The following AIG1 variants were observed in gnomAD, a reference collection of about 807,000 sequenced individuals.
AIG1 encodes androgen-induced gene 1 protein.
In AIG1, 23 loss-of-function variants were observed where a neutral mutation model predicts 31.4. That is an observed-to-expected ratio of 0.73 (90% CI 0.53 to 1.04). The LOEUF is 1.04. Ranked by LOEUF, AIG1 falls within the 50% of genes least tolerant of loss-of-function variation. AIG1 has a pLI of 0.00. For synonymous variants in AIG1, 100 were observed against 110.5 expected (o/e 0.90, Z 0.60); for missense variants, 274 against 295.0 (o/e 0.93, Z 0.52).
intron 1 of AIG1, among the ~76,000 whole-genome samples, chr6:143,100,162 C>G (rs1780125433): frequency 6.6e-6 from 1 of 152,152 alleles, no homozygotes; most frequent in South Asian, 2.1e-4. Flanking sequence ...TGGTTTTTGG[C>G]CCTGCTTGTG....
chr6:143,075,986 G>A (rs905895107), intron 1 of AIG1, among the ~76,000 whole-genome samples: 1 of 152,186 alleles, frequency 6.6e-6, no homozygotes, highest in Non-Finnish European at 1.5e-5. Context: ...TTTTATGGCT[G>A]AGAATATGGG....
At chr6:143,111,742 A>G (rs1781292644) in intron 1 of AIG1, among the ~76,000 whole-genome samples, 1 of 152,088 alleles carries the variant, frequency 6.6e-6, no homozygotes, top group South Asian at 2.1e-4. Context: ...GGTGAATGCC[A>G]CCCTTTCTCC....
Position 143,119,432 on chromosome 6 carries a change from T to C in AIG1, c.142-17403T>C, listed in dbSNP as rs17628922. Among the ~76,000 whole-genome samples the C allele has an allele frequency of 2.9e-3, 444 of 152,306 alleles. 10 individuals are homozygous for C. The East Asian group carries it at 0.053, about 18-fold the overall frequency. On this transcript the variant is annotated intron_variant, in intron 1 of 5. Coordinates refer to ENST00000357847, the MANE Select transcript of AIG1 (RefSeq NM_016108.4). ...AAGTCCACTTCTGAATTGTGGGTAA[T>C]AAACACAAGTCCAAAAGTGCACAGG...
At chr6:143,309,486 C>T (rs1178253162) in intron 4 of AIG1, among the ~76,000 whole-genome samples, 3 of 151,562 alleles carry the variant, frequency 2.0e-5, no homozygotes, top group African/African-American at 7.3e-5. Context: ...AAAAGAAATA[C>T]TTTTAAGAAT....
chr6:143,136,884 G>A lies in AIG1; in HGVS notation c.191G>A (p.Ser64Asn). Residue 64 changes from serine to asparagine, a missense_variant, in exon 2 of 6, where the codon AGT becomes AAT. Ser to Asn is a conservative substitution (Grantham distance 46). This residue lies in a region of AIG1 where 243 missense variants were observed against 238.5 expected (regional missense o/e 1.02). Transcript: ENST00000357847. ...FGICVLTDLS[S>N]LLTRGSGNQE... ...ATCTGTGTGCTGACTGATCTTTCCA[G>A]TCTTCTGACTCGAGGAAGTGGGAAC... 1 of 1,527,120 alleles carries A rather than the reference G, an allele frequency of 6.5e-7. No individual in the cohort carries two copies. Among genetic ancestry groups the A allele is most frequent in the South Asian group, 1.3e-5 (1 of 79,230 alleles). The allele number at this position is 1,527,120 out of a possible 1,614,324, so 94.6% of individuals were successfully genotyped here. A position where few individuals can be genotyped will look rare whatever the true frequency, so the allele number is the denominator to read the frequency against.
At chr6:143,071,522 A>G (rs1777255888) in intron 1 of AIG1, among the ~76,000 whole-genome samples, 7 of 152,246 alleles carry the variant, frequency 4.6e-5, no homozygotes, top group Admixed American at 3.9e-4. Flanking sequence ...ATGGTTGTCC[A>G]GAGTGGCTGT....
At chr6:143,121,423 A>G (rs976165584) in intron 1 of AIG1, among the ~76,000 whole-genome samples, 1 of 152,236 alleles carries the variant, frequency 6.6e-6, no homozygotes, top group Non-Finnish European at 1.5e-5. Context: ...GCCTGAGCAT[A>G]CCACAACTTT....
chr6:143,248,236 C>A (rs955343827), intron 3 of AIG1, among the ~76,000 whole-genome samples: 4 of 152,162 alleles, frequency 2.6e-5, no homozygotes, highest in African/African-American at 9.7e-5. Context: ...AAGTTAAAAA[C>A]AAGGGAGGAT....
At chr6:143,322,883 G>A (rs574721237) in intron 4 of AIG1, among the ~76,000 whole-genome samples, 6 of 152,298 alleles carry the variant, frequency 3.9e-5, no homozygotes, top group African/African-American at 1.4e-4. Flanking sequence ...TTGCATGTGA[G>A]AAGTACAGAA....
chr6:143,099,121 A>G (rs1388507984), intron 1 of AIG1, among the ~76,000 whole-genome samples: 1 of 152,214 alleles, frequency 6.6e-6, no homozygotes, highest in Non-Finnish European at 1.5e-5. Flanking sequence ...TTCACTTACC[A>G]TTTAGGATAA....
At chr6:143,335,719 C>T (rs990070042) in intron 5 of AIG1, among the ~76,000 whole-genome samples, 1 of 151,884 alleles carries the variant, frequency 6.6e-6, no homozygotes, top group African/African-American at 2.4e-5. Flanking sequence ...CTTTGGGAGG[C>T]TAAGGTGGGC....
chr6:143,119,318 A>G (rs1174967429), intron 1 of AIG1, among the ~76,000 whole-genome samples: 1 of 152,228 alleles, frequency 6.6e-6, no homozygotes, highest in Non-Finnish European at 1.5e-5. Context: ...TAAAGGCTCT[A>G]CAATTCAAAA....
At chr6:143,282,215 TTTA>T (rs1797384605) in intron 3 of AIG1, among the ~76,000 whole-genome samples, 1 of 152,216 alleles carries the variant, frequency 6.6e-6, no homozygotes, top group Admixed American at 6.5e-5. Flanking sequence ...ACTTAAGAAA[TTTA>T]TTAATATCAG....
chr6:143,202,292 T>C (rs905485092), intron 3 of AIG1, among the ~76,000 whole-genome samples: 4 of 152,174 alleles, frequency 2.6e-5, no homozygotes, highest in African/African-American at 9.7e-5. Context: ...TTTTTCCTTC[T>C]TGGTAATTCC....
intron 1 of AIG1, among the ~76,000 whole-genome samples, chr6:143,133,463 C>T (rs1238043507): frequency 2.6e-5 from 4 of 152,038 alleles, no homozygotes; most frequent in African/African-American, 9.7e-5. Flanking sequence ...AAAATGACCC[C>T]CAAAGACATT....
At chr6:143,179,899 T>C (rs1156723662) in intron 3 of AIG1, among the ~76,000 whole-genome samples, 1 of 152,256 alleles carries the variant, frequency 6.6e-6, no homozygotes, top group Non-Finnish European at 1.5e-5. Flanking sequence ...TCTCTCCTTA[T>C]AGCCTATTTA....
downstream of AIG1, among the ~76,000 whole-genome samples, chr6:143,341,167 A>G (rs928651837): frequency 1.2e-4 from 18 of 152,182 alleles, no homozygotes; most frequent in African/African-American, 4.1e-4. Flanking sequence ...CAGCATTACC[A>G]TATTAGTTTC....
At chr6:143,287,761 A>G (rs1301549854) in intron 4 of AIG1, among the ~76,000 whole-genome samples, 1 of 151,088 alleles carries the variant, frequency 6.6e-6, no homozygotes, top group African/African-American at 2.4e-5. Context: ...AAAAAAAAAA[A>G]AAATCTATAT....
At chr6:143,228,438 C>T (rs1793185410) in intron 3 of AIG1, among the ~76,000 whole-genome samples, 1 of 152,188 alleles carries the variant, frequency 6.6e-6, no homozygotes, top group Non-Finnish European at 1.5e-5. Context: ...AAGACGGTGG[C>T]CCTCTGCAGG....
Sources: gnomAD v4.1 joint callset for allele counts (sites outside exome capture counted in the v4.1 genomes callset) on GRCh38, gnomAD v4.1.1 for gene constraint, gnomAD v4.1.1 regional missense constraint, MANE v1.5 for transcripts, NCBI Gene and HGNC (gene_info 2026-07-23, HGNC 2026-07-21) for gene names.